TGFA: variants seen among roughly 807,000 people sequenced by gnomAD.
The protein encoded by TGFA is protransforming growth factor alpha.
In TGFA, 12 loss-of-function variants were observed where a neutral mutation model predicts 21.7. That is an observed-to-expected ratio of 0.55 (90% CI 0.35 to 0.90). The LOEUF (loss-of-function observed/expected upper bound fraction) is 0.90, where lower values mean the gene tolerates loss of function less well. Ranked by LOEUF, TGFA falls within the 40% of genes least tolerant of loss-of-function variation. The pLI, the probability that TGFA is intolerant of heterozygous loss-of-function variation, is 0.01. For synonymous variants in TGFA, 79 were observed against 88.1 expected, an observed-to-expected ratio of 0.90 and a Z score of 0.58; for missense variants, 178 against 210.8, an observed-to-expected ratio of 0.84 and a Z score of 0.96.
At chr2:70,506,788 AG>A (rs1452646788) in intron 2 of TGFA, among the ~76,000 whole-genome samples, 47 of 152,334 alleles carry the variant, frequency 3.1e-4, no homozygotes, top group African/African-American at 1.1e-3. Context: ...AAGGTCTCAC[AG>A]CTAGTAGGTG....
At chr2:70,548,646 C>G (rs1673390856) in intron 1 of TGFA, among the ~76,000 whole-genome samples, 1 of 152,220 alleles carries the variant, frequency 6.6e-6, no homozygotes, top group Non-Finnish European at 1.5e-5. Context: ...CCATGTGAAA[C>G]AAATTTGCTT....
At position 70,495,093 on chromosome 2, in the gene TGFA, A is replaced by G. The variant is rs114381799; in HGVS notation, c.94+19766T>C. 2.1e-3 allele frequency among the ~76,000 whole-genome samples: 326 copies of G among 152,356 alleles called. 2 individuals are homozygous for G. Among genetic ancestry groups the G allele is most frequent in the Non-Finnish European group, 2.6e-3 (180 of 68,028 alleles). The stretch of plus-strand genomic sequence containing the variant: ...CATTTAAAAAGTATTTCAATCACCT[A>G]GAACTTATTTTAGAATGTCATTACG... On this transcript the variant is annotated intron_variant, in intron 2 of 5. Transcript: ENST00000295400.
At chr2:70,481,208 C>G (rs949302040) in intron 2 of TGFA, among the ~76,000 whole-genome samples, 16 of 152,142 alleles carry the variant, frequency 1.1e-4, no homozygotes, top group African/African-American at 3.4e-4. Context: ...AACTTTCTAC[C>G]CAGTCAGGGT....
chr2:70,500,758 C>T (rs184434463), intron 2 of TGFA, among the ~76,000 whole-genome samples: 28 of 152,308 alleles, frequency 1.8e-4, no homozygotes, highest in Middle Eastern at 3.4e-3. Context: ...CACCCTTGCT[C>T]TGAGCCATTT....
At chr2:70,511,161 A>T (rs1672086757) in intron 2 of TGFA, among the ~76,000 whole-genome samples, 1 of 152,154 alleles carries the variant, frequency 6.6e-6, no homozygotes, top group African/African-American at 2.4e-5. Context: ...GTCACTCAGG[A>T]ATGTATCAAA....
chr2:70,498,820 C>T (rs1467950519), intron 2 of TGFA, among the ~76,000 whole-genome samples: 2 of 152,170 alleles, frequency 1.3e-5, no homozygotes, highest in Non-Finnish European at 2.9e-5. Context: ...CTTCAACAGA[C>T]ATGCAAAACC....
intron 1 of TGFA, among the ~76,000 whole-genome samples, chr2:70,526,304 C>T (rs1032077858): frequency 1.7e-4 from 26 of 152,328 alleles, no homozygotes; most frequent in African/African-American, 6.0e-4. Context: ...ACAAAACCCA[C>T]TCCAGGTGTT....
chr2:70,488,339 G>T (rs1337209302), intron 2 of TGFA, among the ~76,000 whole-genome samples: 1 of 151,954 alleles, frequency 6.6e-6, no homozygotes, highest in African/African-American at 2.4e-5. Context: ...TTATTTTATT[G>T]CTTATATTTA....
intron 1 of TGFA, among the ~76,000 whole-genome samples, chr2:70,546,248 C>CACTGTACTATACATATAGT (rs11276359): frequency 0.45 from 68,968 of 152,018 alleles, 15,977 homozygotes; most frequent in East Asian, 0.6. Context: ...CAGAGCAAGA[C>CACTGTACTATACATATAGT]ACTGGAACCT....
intron 1 of TGFA, among the ~76,000 whole-genome samples, chr2:70,552,390 T>C (rs11466196): frequency 0.18 from 27,758 of 152,234 alleles, 3,153 homozygotes; most frequent in East Asian, 0.36. Flanking sequence ...GATAATTATA[T>C]CCAGGAAGCT....
chr2:70,480,340 T>C (rs1553495226), intron 2 of TGFA, among the ~76,000 whole-genome samples: 1 of 152,238 alleles, frequency 6.6e-6, no homozygotes, highest in East Asian at 1.9e-4. Context: ...TTTGGGTGAT[T>C]CTGCTCCTGA....
At chr2:70,468,658 AG>A (rs1670645237) in intron 2 of TGFA, among the ~76,000 whole-genome samples, 1 of 152,146 alleles carries the variant, frequency 6.6e-6, no homozygotes. Context: ...AGATTCTCAT[AG>A]GAGCGGGAAA....
chr2:70,460,314 A>G (rs1670370750), intron 3 of TGFA, among the ~76,000 whole-genome samples: 1 of 152,142 alleles, frequency 6.6e-6, no homozygotes, highest in African/African-American at 2.4e-5. Flanking sequence ...CCTAGTTGTA[A>G]TAATGGAAAT....
At chr2:70,485,017 G>A (rs62151572) in intron 2 of TGFA, among the ~76,000 whole-genome samples, 2,161 of 152,212 alleles carry the variant, frequency 0.014, 27 homozygotes, top group Non-Finnish European at 0.024. Flanking sequence ...CCATTGATTC[G>A]CTTCAGTTTT....
chr2:70,553,699 G>A (rs781959102), intron 1 of TGFA, 29 bp downstream of exon 1: 1 of 1,331,204 alleles, frequency 7.5e-7, no homozygotes. Flanking sequence ...GTCGCGCGGC[G>A]CAGGGGGCGC....
intron 2 of TGFA, 97 bp downstream of exon 2, chr2:70,514,762 G>C: frequency 7.7e-7 from 1 of 1,306,768 alleles, no homozygotes; most frequent in Non-Finnish European, 1.1e-6. Context: ...GTGCTCGGTG[G>C]GCAGGAGGCC....
intron 2 of TGFA, chr2:70,467,347 C>T (rs1278806776): frequency 6.6e-6 from 1 of 152,126 alleles, no homozygotes; most frequent in Admixed American, 6.5e-5. Context: ...CTACTCAGAG[C>T]CCTAGTACCA....
At chr2:70,524,643 C>T (rs963981455) in intron 1 of TGFA, among the ~76,000 whole-genome samples, 22 of 152,340 alleles carry the variant, frequency 1.4e-4, no homozygotes, top group Admixed American at 5.2e-4. Flanking sequence ...CACTGTGACA[C>T]GAGGCCTTGA....
chr2:70,456,243 C>T, intron 4 of TGFA, 96 bp downstream of exon 4: 2 of 1,408,668 alleles, frequency 1.4e-6, no homozygotes, highest in Non-Finnish European at 1.9e-6. Flanking sequence ...CAGAAATAAG[C>T]TGTGCTGAGG....
Sources: allele counts gnomAD v4.1 joint callset (sites outside exome capture counted in the v4.1 genomes callset), GRCh38; gene constraint gnomAD v4.1.1; transcripts MANE v1.5; gene names NCBI Gene and HGNC (gene_info 2026-07-23, HGNC 2026-07-21).